The following NES variants were observed in gnomAD, a reference collection of about 807,000 sequenced individuals.
The protein encoded by NES is nestin.
A neutral mutation model predicts 35.6 loss-of-function variants in NES; 27 were observed. The observed-to-expected ratio is 0.76, with a 90% confidence interval of 0.56 to 1.04. NES has a LOEUF of 1.04. Ranked by LOEUF, NES falls within the 50% of genes least tolerant of loss-of-function variation. The pLI, the probability that NES is intolerant of heterozygous loss-of-function variation, is 0.00. For missense variants in NES, 1,867 were observed against 1,983.6 expected (o/e 0.94, Z 1.12); for synonymous variants, 822 against 824.2 (o/e 1.00, Z 0.04).
chr1:156,670,859 T>TCCCCCCCCCCCCCCCCCCCCCACCCCC lies in NES; in HGVS notation c.3328_3329insGGGGGTGGGGGGGGGGGGGGGGGGGGG (p.Gly1109_Asp1110insGlyGlyTrpGlyGlyGlyGlyGlyGly). On this transcript the variant is annotated inframe_insertion, in exon 4 of 4. Coordinates refer to ENST00000368223, the MANE Select transcript of NES (RefSeq NM_006617.2). ...CTCTTCCCTGGTCAGATGGCCTGGG[T>TCCCCCCCCCCCCCCCCCCCCCACCCCC]CCCCCAGCCCTCCCACCCCCTGCCC... 1.2e-6 allele frequency: 2 copies of TCCCCCCCCCCCCCCCCCCCCCACCCCC among 1,609,252 alleles called. No individual in the cohort carries two copies. Among genetic ancestry groups the TCCCCCCCCCCCCCCCCCCCCCACCCCC allele is most frequent in the East Asian group, 2.2e-5 (1 of 44,550 alleles).
At chr1:156,675,412 G>A (rs890033627) in intron 1 of NES, 72 bp from the exon 2 acceptor site, 13 of 1,497,062 alleles carry the variant, frequency 8.7e-6, no homozygotes, top group Non-Finnish European at 1.2e-5. Flanking sequence ...CCTCCTGCCC[G>A]CTGCCGCTGC....
At chr1:156,674,787 C>T (rs1407706262) in intron 2 of NES, among the ~76,000 whole-genome samples, 1 of 152,232 alleles carries the variant, frequency 6.6e-6, no homozygotes, top group Non-Finnish European at 1.5e-5. Context: ...GAGGCTGAGG[C>T]CCAGGTCAGG....
rs1679656425 is a variant in NES at position 156,669,644 on chromosome 1, C to T, written c.4544G>A (p.Gly1515Asp). The change falls in exon 4 of 4, where the codon GGC becomes GAC. Residue 1515 changes from glycine (G) to aspartate (D), a missense_variant. Physicochemically the swap from Gly to Asp is moderately conservative, Grantham distance 94. Coordinates refer to ENST00000368223, the MANE Select transcript of NES (RefSeq NM_006617.2). The part of the protein sequence containing the change: ...VSLEREDKVP[G>D]PLEIPSGMED... Reference sequence around the variant, plus strand: ...CATCCCACTGGGGATCTCTAGAGGGCCAGGGACTTTGTCCTCCCTCTCCAA... The same window carrying T: ...CATCCCACTGGGGATCTCTAGAGGGTCAGGGACTTTGTCCTCCCTCTCCAA... The T allele has an allele frequency of 1.2e-6, 2 of 1,613,972 alleles. No homozygotes were observed.
At position 156,670,196 on chromosome 1, in the gene NES, C is replaced by G. The variant is rs1385247450; in HGVS notation, c.3992G>C (p.Gly1331Ala). ...PPPQGETGKE[G>A]WDPAVLASEG... ...GGAAGCCAGGACAGCAGGATCCCAG[C>G]CCTCCTTTCCAGTCTCCCCTTGAGG... is the stretch of plus-strand genomic sequence containing the variant. Residue 1331 changes from glycine to alanine, a missense_variant, in exon 4 of 4, where the codon GGC (glycine) becomes GCC (alanine). Physicochemically the swap from Gly to Ala is moderately conservative, Grantham distance 60. Transcript: ENST00000368223. 1 of 1,614,082 alleles carries G rather than the reference C, an allele frequency of 6.2e-7. No individual in the cohort carries two copies. Among genetic ancestry groups the G allele is most frequent in the African/African-American group, 1.3e-5 (1 of 75,060 alleles).
At position 156,671,354 on chromosome 1, in the gene NES, G is replaced by T. The variant is rs745807706; in HGVS notation, c.2834C>A (p.Ser945Tyr). The T allele has an allele frequency of 6.2e-7, 1 of 1,614,100 alleles. No homozygotes were observed. The highest frequency in any genetic ancestry group is 8.5e-7 in the Non-Finnish European group (1 of 1,180,036). Residue 945 changes from serine to tyrosine, a missense_variant, in exon 4 of 4, where the codon TCT becomes TAT. By Grantham distance (144) the Ser-to-Tyr change is moderately radical. Transcript: ENST00000368223. ...ATCTTCCCACCTCTGCACATCTGCAGACTGCGGCAGCTCCTGTCCCTCCTC... is the reference window on the plus strand; with the variant it reads ...ATCTTCCCACCTCTGCACATCTGCATACTGCGGCAGCTCCTGTCCCTCCTC... ...LEEEGQELPQ[S>Y]ADVQRWEDTV...
In NES at chr1:156,669,398, T is replaced by C. The variant is rs754997323; in HGVS notation, c.4790A>G (p.His1597Arg). ...CTTCAGGAACTGACCCTGGCCCAGG[T>C]GAACAGGAGCCCCTGCCCAAGAGGT... ...LKTSWAGAPV[H>R]LGQGQFLKFT... Residue 1597 changes from histidine (H) to arginine (R), a missense_variant, in exon 4 of 4, where the codon CAC becomes CGC. His to Arg is a conservative substitution (Grantham distance 29). Coordinates refer to ENST00000368223, the MANE Select transcript of NES (RefSeq NM_006617.2). 4 of 1,611,432 alleles carry C rather than the reference T, an allele frequency of 2.5e-6. No individual in the cohort carries two copies. In the East Asian group the frequency reaches 8.9e-5, roughly 36 times the overall value.
rs1679637108 is a variant in NES at position 156,668,951 on chromosome 1, G to A, written c.*371C>T. 5.3e-6 allele frequency: 1 copy of A among 186,944 alleles called. No homozygotes were observed. Among genetic ancestry groups the A allele is most frequent in the Non-Finnish European group, 1.1e-5 (1 of 90,572 alleles). 11.6% of individuals were successfully genotyped at this position (186,944 alleles called of 1,614,324 possible). A position where few individuals can be genotyped will look rare whatever the true frequency, so the allele number is the denominator to read the frequency against. ...CAGTGAGGTGGCGCAGGGCTGGTGA[G>A]CTTGGGCACAAAAGCCAGCATGTCA... is the stretch of plus-strand genomic sequence containing the variant. On this transcript the variant is annotated 3_prime_UTR_variant, in exon 4 of 4. Transcript: ENST00000368223.
In NES at chr1:156,676,538, C is replaced by T; in HGVS notation, c.727G>A (p.Glu243Lys). 6.3e-7 allele frequency: 1 copy of T among 1,596,254 alleles called. No individual in the cohort carries two copies. Among genetic ancestry groups the T allele is most frequent in the Non-Finnish European group, 8.5e-7 (1 of 1,178,762 alleles). Reference sequence around the variant, plus strand: ...TGCCAGCGGCCCTCCAACCTCTGTTCCAACGCTGCCCTGCGCTCCAGGAGG... The same window carrying T: ...TGCCAGCGGCCCTCCAACCTCTGTTTCAACGCTGCCCTGCGCTCCAGGAGG... ...GGLLERRAAL[E>K]QRLEGRWQER... The change falls in exon 1 of 4, where the codon GAA becomes AAA. Residue 243 changes from glutamate to lysine, a missense_variant. Coordinates refer to ENST00000368223, the MANE Select transcript of NES (RefSeq NM_006617.2). This position sits in a 1 kb window ranked among gnomAD's most constrained non-coding sequence, Gnocchi z 5.3.
In NES at chr1:156,670,040, G is replaced by A. The variant is rs746338025; in HGVS notation, c.4148C>T (p.Pro1383Leu). The change falls in exon 4 of 4, where the codon CCT becomes CTT. Residue 1383 changes from proline (P) to leucine (L), a missense_variant. Coordinates refer to ENST00000368223, the MANE Select transcript of NES (RefSeq NM_006617.2). ...GCCCAGAGGTTCTGCCACCTCCCCA[G>A]GGACCCCAGGAAGAAAAGGTGCCTC... Reference protein sequence around the residue: ...GTEAPFLPGVPGEVAEPLGQV... With the variant: ...GTEAPFLPGVLGEVAEPLGQV... The A allele has an allele frequency of 5.0e-6, 8 of 1,614,058 alleles. No individual in the cohort carries two copies. The highest frequency in any genetic ancestry group is 6.8e-6 in the Non-Finnish European group (8 of 1,179,980).
In NES at chr1:156,676,540, A is replaced by G; in HGVS notation, c.725T>C (p.Leu242Ser). 1 of 1,596,160 alleles carries G rather than the reference A, an allele frequency of 6.3e-7. No homozygotes were observed. Among genetic ancestry groups the G allele is most frequent in the Non-Finnish European group, 8.5e-7 (1 of 1,178,722 alleles). Residue 242 changes from leucine (L) to serine (S), a missense_variant, in exon 1 of 4, where the codon TTG (leucine) becomes TCG (serine). Transcript: ENST00000368223. This position sits in a 1 kb window ranked among gnomAD's most constrained non-coding sequence, Gnocchi z 5.3. ...RGGLLERRAA[L>S]EQRLEGRWQE... ...CCAGCGGCCCTCCAACCTCTGTTCC[A>G]ACGCTGCCCTGCGCTCCAGGAGGCC... is the stretch of plus-strand genomic sequence containing the variant.
rs773688207 is a variant in NES at position 156,671,861 on chromosome 1, G to A, written c.2327C>T (p.Thr776Ile). 8.1e-6 allele frequency: 13 copies of A among 1,613,886 alleles called. No homozygotes were observed. Among genetic ancestry groups the A allele is most frequent in the South Asian group, 3.3e-5 (3 of 91,072 alleles). The change falls in exon 4 of 4, where the codon ACA becomes ATA. Residue 776 changes from threonine (T) to isoleucine (I), a missense_variant. Physicochemically the swap from Thr to Ile is moderately conservative, Grantham distance 89. Coordinates refer to ENST00000368223, the MANE Select transcript of NES (RefSeq NM_006617.2). ...RRSLGEQDQM[T>I]LRPPEKVDLE... ...ATCCACTTTTTCTGGGGGTCTTAAT[G>A]TCATCTGATCCTGTTCCCCTAGAGA...
rs1679764239 is a variant in NES, at chr1:156,672,853, C to T, written c.1335G>A (p.Glu445=). 1 of 1,613,942 alleles carries T rather than the reference C, an allele frequency of 6.2e-7. No homozygotes were observed. The highest frequency in any genetic ancestry group is 1.3e-5 in the African/African-American group (1 of 75,044). ...AIPASVLPGP[E]EPGGQRQEAS... ...CCTCTTGCCGCTGGCCCCCAGGCTC[C>T]TCTGGTCCAGGCAGGACGCTGGCAG... Residue 445 remains glutamate, a synonymous_variant, in exon 4 of 4, where the codon GAG becomes GAA. Coordinates refer to ENST00000368223, the MANE Select transcript of NES (RefSeq NM_006617.2).
chr1:156,675,353 C>A lies in NES; in HGVS notation c.784-13G>T. The A allele has an allele frequency of 6.3e-7, 1 of 1,594,210 alleles. No individual in the cohort carries two copies. The highest frequency in any genetic ancestry group is 8.6e-7 in the Non-Finnish European group (1 of 1,166,850). On this transcript the variant is annotated splice_polypyrimidine_tract_variant and intron_variant, in intron 1 of 3. Transcript: ENST00000368223. ...CCTCCACAGCCAGCTGCAGGGCAGG[C>A]GAGAGGCAGTCAGTGGAGGGGCTGG... is the stretch of plus-strand genomic sequence containing the variant.
Position 156,671,568 on chromosome 1 carries a change from C to T in NES, c.2620G>A (p.Val874Met). The part of the protein sequence containing the change: ...EKEIQEPLES[V>M]EVNQETFRLL... The stretch of plus-strand genomic sequence containing the variant: ...CTGAATGTCTCTTGGTTCACTTCCA[C>T]AGACTCCAGTGGTTCTTGAATTTCC... The change falls in exon 4 of 4, where the codon GTG (valine) becomes ATG (methionine). Residue 874 changes from valine to methionine, a missense_variant. By Grantham distance (21) the Val-to-Met change is conservative (BLOSUM62 1). Transcript: ENST00000368223. 1 of 1,614,004 alleles carries T rather than the reference C, an allele frequency of 6.2e-7. No individual in the cohort carries two copies. The highest frequency in any genetic ancestry group is 1.1e-5 in the South Asian group (1 of 91,086).
At position 156,669,871 on chromosome 1, in the gene NES, T is replaced by G; in HGVS notation, c.4317A>C (p.Pro1439=). The change falls in exon 4 of 4, where the codon CCA becomes CCC. Residue 1439 remains proline, a synonymous_variant. Transcript: ENST00000368223. The part of the protein sequence containing the change: ...GREPGAGRWG[P]GSSVGSLQAL... ...CCTGGAGGCTGCCAACAGAAGACCC[T>G]GGCCCCCACCGCCCAGCCCCTGGCT... 6.2e-7 allele frequency: 1 copy of G among 1,613,634 alleles called. No homozygotes were observed. The highest frequency in any genetic ancestry group is 1.1e-5 in the South Asian group (1 of 91,052).
rs758729716 is a variant in NES at position 156,669,653 on chromosome 1, T to A, written c.4535A>T (p.Lys1512Ile). 2.5e-6 allele frequency: 4 copies of A among 1,614,064 alleles called. No individual in the cohort carries two copies. The East Asian group carries it at 8.9e-5, about 36-fold the overall frequency. ...SDPVSLERED[K>I]VPGPLEIPSG... is the part of the protein sequence containing the mutation. ...GGGGATCTCTAGAGGGCCAGGGACT[T>A]TGTCCTCCCTCTCCAAGGAAACAGG... Residue 1512 changes from lysine to isoleucine, a missense_variant, in exon 4 of 4, where the codon AAA becomes ATA. Physicochemically the swap from Lys to Ile is moderately radical, Grantham distance 102. Coordinates refer to ENST00000368223, the MANE Select transcript of NES (RefSeq NM_006617.2).
At position 156,675,336 on chromosome 1, in the gene NES, G is replaced by A. The variant is rs1346404820; in HGVS notation, c.788C>T (p.Ala263Val). The A allele has an allele frequency of 6.2e-7, 1 of 1,606,000 alleles. No individual in the cohort carries two copies. The highest frequency in any genetic ancestry group is 8.5e-7 in the Non-Finnish European group (1 of 1,174,504). Residue 263 changes from alanine (A) to valine (V), a missense_variant, in exon 2 of 4, where the codon GCT (alanine) becomes GTT (valine). Physicochemically the swap from Ala to Val is moderately conservative, Grantham distance 64. Coordinates refer to ENST00000368223, the MANE Select transcript of NES (RefSeq NM_006617.2). ...RLRATEKFQL[A>V]VEALEQEKQG... ...TTTCTCCTGCTCCAGGGCCTCCACA[G>A]CCAGCTGCAGGGCAGGCGAGAGGCA...
chr1:156,675,505 C>A (rs1291492542), intron 1 of NES, among the ~76,000 whole-genome samples, 165 bp from the exon 2 acceptor site: 1 of 152,028 alleles, frequency 6.6e-6, no homozygotes, highest in Non-Finnish European at 1.5e-5. Context: ...GCCCAGAGAG[C>A]CCCCTCTGGA....
rs755052519 is a variant in NES at position 156,670,353 on chromosome 1, C to T, written c.3835G>A (p.Gly1279Arg). 2 of 1,610,882 alleles carry T rather than the reference C, an allele frequency of 1.2e-6. No individual in the cohort carries two copies. Among genetic ancestry groups the T allele is most frequent in the Non-Finnish European group, 1.7e-6 (2 of 1,178,140 alleles). Residue 1279 changes from glycine (G) to arginine (R), a missense_variant, in exon 4 of 4, where the codon GGG becomes AGG. By Grantham distance (125) the Gly-to-Arg change is moderately radical. Coordinates refer to ENST00000368223, the MANE Select transcript of NES (RefSeq NM_006617.2). ...GEIPEGPQEE[G>R]EESREESEED... is the part of the protein sequence containing the mutation. ...TCGCTCTCTTCTCTGCTCTCCTCCCCTTCCTCCTGGGGGCCCTCGGGGATC... is the reference window on the plus strand; with the variant it reads ...TCGCTCTCTTCTCTGCTCTCCTCCCTTTCCTCCTGGGGGCCCTCGGGGATC...
Sources: gnomAD v4.1 joint callset for allele counts (sites outside exome capture counted in the v4.1 genomes callset) on GRCh38, gnomAD v4.1.1 for gene constraint, Gnocchi (gnomAD v3.1) non-coding constraint, MANE v1.5 for transcripts, NCBI Gene and HGNC (gene_info 2026-07-23, HGNC 2026-07-21) for gene names.